PPARGC1A: variants seen among roughly 807,000 people sequenced by gnomAD.
The protein encoded by PPARGC1A is PPARG coactivator 1 alpha.
A neutral mutation model predicts 88.7 loss-of-function variants in PPARGC1A; 25 were observed. That is an observed-to-expected ratio of 0.28 (90% CI 0.21 to 0.39). The LOEUF (loss-of-function observed/expected upper bound fraction) is 0.39. Among genes scored for constraint, PPARGC1A ranks in the 10% least tolerant of loss-of-function variants. The pLI is 1.00. For synonymous variants in PPARGC1A, 363 were observed against 355.6 expected, an observed-to-expected ratio of 1.02 and a Z score of -0.24; for missense variants, 880 against 968.7, an observed-to-expected ratio of 0.91 and a Z score of 1.22.
the PPARGC1A span, among the ~76,000 whole-genome samples, chr4:24,267,553 A>T: frequency 6.6e-6 from 1 of 152,148 alleles, no homozygotes; most frequent in Admixed American, 6.5e-5. Flanking sequence ...TCTTCTGGCA[A>T]TTGTTTCAGC....
the PPARGC1A span, among the ~76,000 whole-genome samples, chr4:24,332,357 G>A: frequency 5.0e-3 from 767 of 152,156 alleles, 15 homozygotes; most frequent in African/African-American, 0.017. Flanking sequence ...GGCTTAGTAC[G>A]ACATGCATTA....
At chr4:24,035,489 C>T in the PPARGC1A span, among the ~76,000 whole-genome samples, 168 of 151,798 alleles carry the variant, frequency 1.1e-3, no homozygotes, top group African/African-American at 2.6e-3. Flanking sequence ...TGGGTTGCAG[C>T]GAGCCGAGAT....
chr4:24,162,309 T>G, the PPARGC1A span, among the ~76,000 whole-genome samples: 1 of 152,170 alleles, frequency 6.6e-6, no homozygotes, highest in African/African-American at 2.4e-5. Flanking sequence ...CACAAATCAC[T>G]ACTGAAGAAA....
At chr4:24,108,627 T>C in the PPARGC1A span, among the ~76,000 whole-genome samples, 1 of 152,126 alleles carries the variant, frequency 6.6e-6, no homozygotes, top group South Asian at 2.1e-4. Context: ...ATTATCCTCA[T>C]TCTGCAGATG....
At chr4:24,378,948 C>A in the PPARGC1A span, among the ~76,000 whole-genome samples, 848 of 152,130 alleles carry the variant, frequency 5.6e-3, 10 homozygotes, top group African/African-American at 0.019. Context: ...TTTATTATAC[C>A]AGGCAGTCCT....
At chr4:24,044,776 T>C in the PPARGC1A span, among the ~76,000 whole-genome samples, 9 of 152,168 alleles carry the variant, frequency 5.9e-5, no homozygotes, top group Non-Finnish European at 8.8e-5. Flanking sequence ...GGAAGCACAC[T>C]GCACCCTCCA....
the PPARGC1A span, among the ~76,000 whole-genome samples, chr4:24,069,963 A>G: frequency 1.3e-5 from 2 of 152,152 alleles, no homozygotes; most frequent in Non-Finnish European, 2.9e-5. Context: ...CTGGAGTCCA[A>G]TTTGGCTTTG....
At chr4:24,052,834 C>T in the PPARGC1A span, among the ~76,000 whole-genome samples, 1 of 147,190 alleles carries the variant, frequency 6.8e-6, no homozygotes, top group Non-Finnish European at 1.5e-5. Context: ...TCCAAGGAAA[C>T]TCTCCTGTGG....
At chr4:23,970,017 G>A in the PPARGC1A span, among the ~76,000 whole-genome samples, 1 of 152,196 alleles carries the variant, frequency 6.6e-6, no homozygotes, top group Non-Finnish European at 1.5e-5. Flanking sequence ...GGTGATATAA[G>A]ATATAAATAC....
At chr4:24,438,036 G>T in the PPARGC1A span, among the ~76,000 whole-genome samples, 1 of 152,088 alleles carries the variant, frequency 6.6e-6, no homozygotes. Flanking sequence ...ATGAATAACT[G>T]CAAGGAGCAG....
At chr4:23,940,538 C>G in the PPARGC1A span, among the ~76,000 whole-genome samples, 38 of 152,278 alleles carry the variant, frequency 2.5e-4, no homozygotes, top group African/African-American at 8.4e-4. Flanking sequence ...AAAAACAAAT[C>G]ACCAAACAAA....
chr4:24,009,242 C>T, the PPARGC1A span, among the ~76,000 whole-genome samples: 3 of 151,236 alleles, frequency 2.0e-5, no homozygotes, highest in Non-Finnish European at 4.4e-5. Context: ...AAGCACAGGG[C>T]CCCTTCTGTG....
At chr4:24,027,570 G>A in the PPARGC1A span, among the ~76,000 whole-genome samples, 1 of 152,048 alleles carries the variant, frequency 6.6e-6, no homozygotes, top group Non-Finnish European at 1.5e-5. Flanking sequence ...ATGCAACCAG[G>A]TTTACCCTGG....
the PPARGC1A span, among the ~76,000 whole-genome samples, chr4:23,981,813 A>G: frequency 1.3e-5 from 2 of 152,174 alleles, no homozygotes; most frequent in African/African-American, 4.8e-5. Flanking sequence ...GATCTTTAGT[A>G]GATTCCCTCA....
chr4:23,930,230 T>A, the PPARGC1A span, among the ~76,000 whole-genome samples: 2 of 152,184 alleles, frequency 1.3e-5, no homozygotes, highest in Non-Finnish European at 2.9e-5. Context: ...ACAAAATCCC[T>A]CTCCACCATG....
the PPARGC1A span, among the ~76,000 whole-genome samples, chr4:24,077,150 G>A: frequency 6.6e-6 from 1 of 152,046 alleles, no homozygotes; most frequent in Non-Finnish European, 1.5e-5. Flanking sequence ...ATTCTGCACA[G>A]CTGACATTCT....
At chr4:24,077,885 C>A in the PPARGC1A span, among the ~76,000 whole-genome samples, 5 of 151,798 alleles carry the variant, frequency 3.3e-5, no homozygotes, top group Admixed American at 3.3e-4. Context: ...TTTTCATTCC[C>A]ATTCTTCTCA....
the PPARGC1A span, among the ~76,000 whole-genome samples, chr4:24,178,638 A>G: frequency 6.6e-6 from 1 of 152,198 alleles, no homozygotes; most frequent in African/African-American, 2.4e-5. Context: ...ACAATCTAAA[A>G]TGACCATTTA....
chr4:24,078,273 T>C, the PPARGC1A span, among the ~76,000 whole-genome samples: 1 of 152,020 alleles, frequency 6.6e-6, no homozygotes, highest in African/African-American at 2.4e-5. Context: ...TGGAGGAGAG[T>C]TGGCACTTTC....
Sources: gnomAD v4.1 joint callset for allele counts (sites outside exome capture counted in the v4.1 genomes callset) on GRCh38, gnomAD v4.1.1 for gene constraint, MANE v1.5 for transcripts, NCBI Gene and HGNC (gene_info 2026-07-23, HGNC 2026-07-21) for gene names.